Variants in ELAPOR1 observed in about 807,000 individuals in gnomAD.
ELAPOR1 encodes endosome-lysosome associated apoptosis and autophagy regulator 1.
ELAPOR1 carries 77 observed loss-of-function variants against 119.7 expected under a neutral mutation model. The observed-to-expected ratio is 0.64, with a 90% CI of 0.54 to 0.78. ELAPOR1 has a LOEUF of 0.78. Ranked by LOEUF, ELAPOR1 falls within the 30% of genes least tolerant of loss-of-function variation. The pLI is 0.00. For missense variants in ELAPOR1, 1,115 were observed against 1,270.4 expected, an observed-to-expected ratio of 0.88 and a Z score of 1.86; for synonymous variants, 481 against 487.2, an observed-to-expected ratio of 0.99 and a Z score of 0.17.
chr1:109,179,579 A>G (rs1203087865), intron 7 of ELAPOR1, among the ~76,000 whole-genome samples: 1 of 152,030 alleles, frequency 6.6e-6, no homozygotes, highest in Non-Finnish European at 1.5e-5. Flanking sequence ...GGGGCAAAAA[A>G]TTGGGATTTG....
intron 3 of ELAPOR1, among the ~76,000 whole-genome samples, chr1:109,168,642 A>C (rs1477666293): frequency 6.6e-6 from 1 of 152,222 alleles, no homozygotes; most frequent in Non-Finnish European, 1.5e-5. Context: ...GAAAAGATCA[A>C]GCAGACGCCC....
At chr1:109,126,684 T>G (rs1449615956) in intron 1 of ELAPOR1, among the ~76,000 whole-genome samples, 1 of 152,176 alleles carries the variant, frequency 6.6e-6, no homozygotes, top group Non-Finnish European at 1.5e-5. Context: ...TCACCCAGGC[T>G]GTTCTCAAAC....
intron 1 of ELAPOR1, among the ~76,000 whole-genome samples, chr1:109,141,410 T>C (rs932466471): frequency 2.7e-5 from 4 of 148,990 alleles, no homozygotes; most frequent in South Asian, 2.2e-4. Flanking sequence ...TACAGGCGCC[T>C]GCCACCACGC....
intron 1 of ELAPOR1, among the ~76,000 whole-genome samples, chr1:109,158,567 CCCTT>C (rs1651038706): frequency 6.6e-6 from 1 of 152,122 alleles, no homozygotes; most frequent in Admixed American, 6.5e-5. Flanking sequence ...CATTTCTAAA[CCCTT>C]CCTTTGTTTT....
chr1:109,183,559 T>TCCTG (rs1336641127), intron 7 of ELAPOR1, among the ~76,000 whole-genome samples: 4 of 20,564 alleles, frequency 1.9e-4, no homozygotes, highest in Non-Finnish European at 4.5e-4. Flanking sequence ...TTTCCTTCCT[T>TCCTG]CCTTCCTTCC....
chr1:109,114,767 C>A (rs1181894284), intron 1 of ELAPOR1, among the ~76,000 whole-genome samples: 2 of 152,142 alleles, frequency 1.3e-5, no homozygotes, highest in Admixed American at 1.3e-4. Flanking sequence ...AAAAAAGTAT[C>A]AGAGCGAAGT....
chr1:109,121,636 C>A (rs1329690182), intron 1 of ELAPOR1, among the ~76,000 whole-genome samples: 1 of 152,164 alleles, frequency 6.6e-6, no homozygotes, highest in Non-Finnish European at 1.5e-5. Context: ...CTGCCTTAGA[C>A]ACTGGAGGGA....
chr1:109,183,618 C>CGCCT (rs1652876068), intron 7 of ELAPOR1, among the ~76,000 whole-genome samples: 1 of 4,918 alleles, frequency 2.0e-4, no homozygotes, highest in Non-Finnish European at 7.5e-4. Flanking sequence ...CCATCCTTCC[C>CGCCT]TCCTTCCTTC....
At chr1:109,146,426 G>C (rs1214805755) in intron 1 of ELAPOR1, among the ~76,000 whole-genome samples, 2 of 152,158 alleles carry the variant, frequency 1.3e-5, no homozygotes, top group Non-Finnish European at 2.9e-5. Flanking sequence ...AAGCTGTGTG[G>C]CTCTTTATGA....
chr1:109,139,787 T>G (rs1649713674), intron 1 of ELAPOR1, among the ~76,000 whole-genome samples: 1 of 152,216 alleles, frequency 6.6e-6, no homozygotes, highest in Admixed American at 6.5e-5. Flanking sequence ...TTTCCTTTTT[T>G]TTGAGACAGG....
At chr1:109,123,547 T>G (rs938239368) in intron 1 of ELAPOR1, among the ~76,000 whole-genome samples, 4 of 152,254 alleles carry the variant, frequency 2.6e-5, no homozygotes, top group African/African-American at 9.6e-5. Flanking sequence ...AAAGTGTTGA[T>G]TTGAATGAGA....
chr1:109,186,752 T>A, intron 8 of ELAPOR1: 1 of 985,586 alleles, frequency 1.0e-6, no homozygotes, highest in Non-Finnish European at 1.2e-6. Context: ...AACATGTGAC[T>A]GAATGTGGCT....
intron 21 of ELAPOR1, among the ~76,000 whole-genome samples, chr1:109,202,100 T>TA (rs1273552589): frequency 6.6e-6 from 1 of 152,100 alleles, no homozygotes; most frequent in East Asian, 1.9e-4. Context: ...ACCCTGTCTC[T>TA]AAAAAACATG....
intron 4 of ELAPOR1, 49 bp from the exon 5 acceptor site, chr1:109,172,439 C>A: frequency 7.3e-7 from 1 of 1,371,508 alleles, no homozygotes; most frequent in South Asian, 1.2e-5. Flanking sequence ...GAAAGGTATC[C>A]ATTTCCTTAG....
chr1:109,186,645 T>C, intron 8 of ELAPOR1: 1 of 985,490 alleles, frequency 1.0e-6, no homozygotes, highest in Non-Finnish European at 1.2e-6. Flanking sequence ...GTATTCTGTA[T>C]GACCTTGTGA....
At chr1:109,185,487 C>G (rs1227885030) in intron 8 of ELAPOR1, among the ~76,000 whole-genome samples, 1 of 152,198 alleles carries the variant, frequency 6.6e-6, no homozygotes, top group Non-Finnish European at 1.5e-5. Context: ...GGCTCACCCC[C>G]TCGGCACTGT....
At chr1:109,116,369 T>C (rs1455912304) in intron 1 of ELAPOR1, among the ~76,000 whole-genome samples, 3 of 152,146 alleles carry the variant, frequency 2.0e-5, no homozygotes, top group Admixed American at 6.5e-5. Context: ...AGAAAATACA[T>C]TGGAAACACA....
At chr1:109,120,137 C>A (rs865974362) in intron 1 of ELAPOR1, among the ~76,000 whole-genome samples, 12 of 152,126 alleles carry the variant, frequency 7.9e-5, no homozygotes, top group Middle Eastern at 3.2e-3. Context: ...ATGGCTCATG[C>A]CTGTAATCCC....
intron 7 of ELAPOR1, among the ~76,000 whole-genome samples, chr1:109,178,922 G>A (rs1322563102): frequency 6.7e-6 from 1 of 148,884 alleles, no homozygotes; most frequent in Non-Finnish European, 1.5e-5. Flanking sequence ...CCAAGATCAT[G>A]CCACTGCATT....
Sources: gnomAD v4.1 joint callset for allele counts (sites outside exome capture counted in the v4.1 genomes callset) on GRCh38, gnomAD v4.1.1 for gene constraint, MANE v1.5 for transcripts, NCBI Gene and HGNC (gene_info 2026-07-23, HGNC 2026-07-21) for gene names.